The following ZNF484 variants were observed in gnomAD, a reference collection of about 807,000 sequenced individuals.
ZNF484 encodes KRAB box containing C2H2 type zinc finger bA526D8.4.
A neutral mutation model predicts 12.9 loss-of-function variants in ZNF484; 11 were observed. The observed-to-expected ratio is 0.85, with a 90% CI of 0.54 to 1.41. ZNF484 has a LOEUF of 1.41. Among genes scored for constraint, ZNF484 ranks in the 40% most tolerant of loss-of-function variants. ZNF484 has a pLI of 0.00. For missense variants in ZNF484, 807 were observed against 1,007.7 expected (o/e 0.80, Z 2.70); for synonymous variants, 289 against 334.1 (o/e 0.86, Z 1.47).
At chr9:92,854,362 C>T (rs1363514844) in intron 4 of ZNF484, among the ~76,000 whole-genome samples, 1 of 152,096 alleles carries the variant, frequency 6.6e-6, no homozygotes, top group Non-Finnish European at 1.5e-5. Context: ...GTGCTTATAC[C>T]TCATCATATT....
At chr9:92,862,244 C>A (rs1443473419) in intron 2 of ZNF484, 1 of 591,168 alleles carries the variant, frequency 1.7e-6, no homozygotes, top group African/African-American at 2.0e-5. Flanking sequence ...TAGGAATTAC[C>A]TGCCATATAT....
At chr9:92,850,291 C>T (rs1855988230) in intron 4 of ZNF484, among the ~76,000 whole-genome samples, 1 of 152,204 alleles carries the variant, frequency 6.6e-6, no homozygotes, top group Admixed American at 6.5e-5. Flanking sequence ...AGTAGAACTA[C>T]ATGGTGAGTG....
At position 92,860,512 on chromosome 9, in the gene ZNF484, G is replaced by A. The variant is rs372828290; in HGVS notation, c.16-4194C>T. On this transcript the variant is annotated intron_variant, in intron 2 of 4. Transcript: ENST00000375495. ...CCAGCTACTTGAGAGGCTGAGGCAG[G>A]AGAATGGCGTGAACCCGGGAGGCGG... is the stretch of plus-strand genomic sequence containing the variant. 1.5e-4 allele frequency among the ~76,000 whole-genome samples: 22 copies of A among 150,576 alleles called. No individual in the cohort carries two copies. The East Asian group carries it at 3.9e-3, about 27-fold the overall frequency.
chr9:92,868,892 A>G (rs934899113), intron 2 of ZNF484, among the ~76,000 whole-genome samples: 1 of 152,020 alleles, frequency 6.6e-6, no homozygotes. Context: ...ATTTCTTTTT[A>G]TTTATTTATT....
chr9:92,872,198 T>C (rs1330648882), intron 2 of ZNF484, among the ~76,000 whole-genome samples: 1 of 128,842 alleles, frequency 7.8e-6, no homozygotes, highest in East Asian at 2.7e-4. Flanking sequence ...GCCATTGCAC[T>C]ACAGCCTGGG....
intron 2 of ZNF484, among the ~76,000 whole-genome samples, chr9:92,860,134 T>C (rs1177769089): frequency 1.3e-5 from 2 of 152,136 alleles, no homozygotes; most frequent in East Asian, 1.9e-4. Flanking sequence ...CATGTTGGCA[T>C]AGAATATTCA....
rs150992237 is a variant in ZNF484, at chr9:92,861,768, G to T, written c.16-5450C>A. The stretch of plus-strand genomic sequence containing the variant: ...AAAGTAGGACGGGAGACTGGAAAAA[G>T]ATATGAAGAAATAATAGCTGAAAAC... On this transcript the variant is annotated intron_variant, in intron 2 of 4. Transcript: ENST00000375495. 2.6e-3 allele frequency among the ~76,000 whole-genome samples: 391 copies of T among 152,250 alleles called. 1 individual carries two copies. The highest frequency in any genetic ancestry group is 8.7e-3 in the African/African-American group (361 of 41,556).
chr9:92,853,923 C>T (rs1228422512), intron 4 of ZNF484, among the ~76,000 whole-genome samples: 2 of 146,174 alleles, frequency 1.4e-5, no homozygotes, highest in Non-Finnish European at 3.0e-5. Flanking sequence ...CATAATGAGG[C>T]TTTCTGGGGA....
chr9:92,851,261 T>C (rs913243273), intron 4 of ZNF484, among the ~76,000 whole-genome samples: 2 of 152,162 alleles, frequency 1.3e-5, no homozygotes, highest in African/African-American at 4.8e-5. Flanking sequence ...AGGGCAGGGG[T>C]CAGAAAACTG....
rs769144768 is a variant in ZNF484, at chr9:92,844,513, A to C, written c.*1715T>G. Among the ~76,000 whole-genome samples the C allele has an allele frequency of 6.6e-6, 1 of 152,218 alleles. No homozygotes were observed. Among genetic ancestry groups the C allele is most frequent in the Non-Finnish European group, 1.5e-5 (1 of 68,036 alleles). ...ATACATGGAAAAATTACACCTAGGC[A>C]TATCAATGTGCAACAGTTAAAAAAC... On this transcript the variant is annotated 3_prime_UTR_variant, in exon 5 of 5. Coordinates refer to ENST00000375495, the MANE Select transcript of ZNF484 (RefSeq NM_031486.4).
At chr9:92,874,330 A>G (rs769218276) in intron 2 of ZNF484, among the ~76,000 whole-genome samples, 83 of 117,482 alleles carry the variant, frequency 7.1e-4, no homozygotes, top group South Asian at 1.0e-3. Flanking sequence ...TTTTTTTTTG[A>G]GACAGAGTTT....
intron 2 of ZNF484, among the ~76,000 whole-genome samples, chr9:92,866,533 A>G (rs1366986791): frequency 6.6e-6 from 1 of 152,232 alleles, no homozygotes; most frequent in Non-Finnish European, 1.5e-5. Context: ...ACACCTTTAC[A>G]CTGTTGGTGG....
rs1855583373 is a variant in ZNF484, at chr9:92,846,300, T to C, written c.2487A>G (p.Glu829=). ...ATAATTGTGGCATGGAGCACTCTACTTCCCCATTGTCAGATTTCTGAGGCA... is the reference window on the plus strand; with the variant it reads ...ATAATTGTGGCATGGAGCACTCTACCTCCCCATTGTCAGATTTCTGAGGCA... ...LSMPQKSDNG[E]VECSMPQLWC... is the part of the protein sequence containing the mutation. Residue 829 remains glutamate, a synonymous_variant, in exon 5 of 5, where the codon GAA becomes GAG. Coordinates refer to ENST00000375495, the MANE Select transcript of ZNF484 (RefSeq NM_031486.4). 6.2e-7 allele frequency: 1 copy of C among 1,614,042 alleles called. No individual in the cohort carries two copies. The highest frequency in any genetic ancestry group is 1.7e-5 in the Admixed American group (1 of 60,004).
intron 4 of ZNF484, among the ~76,000 whole-genome samples, chr9:92,852,509 C>T (rs890963864): frequency 4.4e-5 from 6 of 137,414 alleles, no homozygotes; most frequent in African/African-American, 8.3e-5. Flanking sequence ...GGATTACAGG[C>T]GTGAGCCACC....
At chr9:92,862,722 A>T (rs908154713) in intron 2 of ZNF484, among the ~76,000 whole-genome samples, 2 of 152,196 alleles carry the variant, frequency 1.3e-5, no homozygotes, top group African/African-American at 4.8e-5. Flanking sequence ...AAAGTAATTT[A>T]TATATAGAGA....
intron 2 of ZNF484, among the ~76,000 whole-genome samples, chr9:92,872,522 G>A (rs545503583): frequency 6.7e-6 from 1 of 148,770 alleles, no homozygotes; most frequent in Non-Finnish European, 1.5e-5. Context: ...AGTTAAAGGA[G>A]AGGCAATAAA....
chr9:92,877,853 T>G, intron 1 of ZNF484, 37 bp downstream of exon 1: 2 of 1,535,828 alleles, frequency 1.3e-6, no homozygotes, highest in Non-Finnish European at 1.7e-6. Context: ...GAGATTCTTC[T>G]TGCTCAGTCC....
In ZNF484 at chr9:92,847,319, G is replaced by A. The variant is rs1403115360; in HGVS notation, c.1468C>T (p.His490Tyr). Residue 490 changes from histidine (H) to tyrosine (Y), a missense_variant, in exon 5 of 5, where the codon CAT (histidine) becomes TAT (tyrosine). Physicochemically the swap from His to Tyr is moderately conservative, Grantham distance 83. Transcript: ENST00000375495. Reference protein sequence around the residue: ...KTNLIIHQKIHTGERPYICTV... With the variant: ...KTNLIIHQKIYTGERPYICTV... ...CATATATAGGGTCTTTCTCCTGTAT[G>A]AATTTTCTGGTGTATAATGAGATTT... The A allele has an allele frequency of 1.9e-6, 3 of 1,613,534 alleles. No homozygotes were observed. Among genetic ancestry groups the A allele is most frequent in the Non-Finnish European group, 2.5e-6 (3 of 1,179,886 alleles).
At chr9:92,851,487 T>C (rs1269013681) in intron 4 of ZNF484, among the ~76,000 whole-genome samples, 2 of 152,216 alleles carry the variant, frequency 1.3e-5, no homozygotes, top group Non-Finnish European at 1.5e-5. Context: ...ACTGCAGAAA[T>C]AAGCAGTTGT....
Sources: allele counts gnomAD v4.1 joint callset (sites outside exome capture counted in the v4.1 genomes callset), GRCh38; gene constraint gnomAD v4.1.1; transcripts MANE v1.5; gene names NCBI Gene and HGNC (gene_info 2026-07-23, HGNC 2026-07-21).